EXT1: variants seen among roughly 807,000 people sequenced by gnomAD.
The protein encoded by EXT1 is exostosin-1.
EXT1 carries 20 observed loss-of-function variants against 82.5 expected under a neutral mutation model. That is an observed-to-expected ratio of 0.24 (90% CI 0.17 to 0.35). The LOEUF is 0.35. Among genes scored for constraint, EXT1 ranks in the 10% least tolerant of loss-of-function variants. EXT1 has a pLI of 1.00. For missense variants in EXT1, 757 were observed against 936.5 expected (o/e 0.81, Z 2.50); for synonymous variants, 348 against 350.8 (o/e 0.99, Z 0.09).
rs752824303 is a variant in EXT1, at chr8:118,048,504, T to C, written c.962+61581A>G. Among the ~76,000 whole-genome samples, 303 of 152,322 alleles carry C rather than the reference T, an allele frequency of 2.0e-3. 3 individuals carry two copies. The highest frequency in any genetic ancestry group is 3.2e-3 in the Non-Finnish European group (215 of 68,030). On this transcript the variant is annotated intron_variant, in intron 1 of 10. Transcript: ENST00000378204. ...CCTCCCTTTCCAAAAAAGCTAAGTTTATTTTACCCTTTCAAATCAATTTTT... is the reference window on the plus strand; with the variant it reads ...CCTCCCTTTCCAAAAAAGCTAAGTTCATTTTACCCTTTCAAATCAATTTTT...
chr8:117,822,313 T>G (rs17430112), intron 5 of EXT1, 152 bp downstream of exon 5: 2 of 850,826 alleles, frequency 2.4e-6, no homozygotes, highest in Non-Finnish European at 3.7e-6. Context: ...GTTTTTGAAC[T>G]TGATATGTCA....
intron 1 of EXT1, among the ~76,000 whole-genome samples, chr8:117,984,446 A>G (rs17476191): frequency 0.031 from 3,884 of 123,554 alleles, 177 homozygotes; most frequent in African/African-American, 0.11. Context: ...AAACAAAACA[A>G]AACAAAAAAA....
Position 117,897,705 on chromosome 8 carries a change from C to A in EXT1, c.963-60504G>T, listed in dbSNP as rs192190550. Among the ~76,000 whole-genome samples the A allele has an allele frequency of 1.8e-3, 266 of 149,800 alleles. 1 individual carries two copies. Among genetic ancestry groups the A allele is most frequent in the African/African-American group, 6.1e-3 (251 of 40,928 alleles). On this transcript the variant is annotated intron_variant, in intron 1 of 10. Transcript: ENST00000378204. Reference sequence around the variant, plus strand: ...TGCCTCCTGGGTTCAAGCAATTCTCCCGCCTCAGCCTTCCGAGTAGCTGGG... The same window carrying A: ...TGCCTCCTGGGTTCAAGCAATTCTCACGCCTCAGCCTTCCGAGTAGCTGGG...
chr8:118,077,365 T>C (rs1817230834), intron 1 of EXT1, among the ~76,000 whole-genome samples: 1 of 152,210 alleles, frequency 6.6e-6, no homozygotes, highest in Admixed American at 6.5e-5. Context: ...ACTCAATGTA[T>C]ATGGGAACCA....
intron 1 of EXT1, among the ~76,000 whole-genome samples, chr8:118,005,802 T>C (rs1198026810): frequency 6.6e-6 from 1 of 152,120 alleles, no homozygotes; most frequent in Non-Finnish European, 1.5e-5. Flanking sequence ...TCCAGGAAAA[T>C]AACACACCCT....
intron 1 of EXT1, among the ~76,000 whole-genome samples, chr8:118,009,957 G>T (rs1157871360): frequency 1.3e-5 from 2 of 152,114 alleles, no homozygotes; most frequent in Non-Finnish European, 2.9e-5. Flanking sequence ...GAGGGAATTG[G>T]GTTCTAAGAA....
chr8:118,110,008 C>A (rs956552557), intron 1 of EXT1, 77 bp downstream of exon 1: 5 of 1,599,390 alleles, frequency 3.1e-6, no homozygotes, highest in Admixed American at 1.7e-5. Flanking sequence ...CTCACCCCAT[C>A]CCCCAACTTC....
intron 7 of EXT1, 31 bp downstream of exon 7, chr8:117,818,404 G>A: frequency 6.3e-7 from 1 of 1,591,828 alleles, no homozygotes; most frequent in Non-Finnish European, 8.6e-7. Context: ...CTCCACAGTG[G>A]TTCCACATAT....
chr8:117,884,536 G>T (rs1458682482), intron 1 of EXT1, among the ~76,000 whole-genome samples: 1 of 152,090 alleles, frequency 6.6e-6, no homozygotes, highest in Non-Finnish European at 1.5e-5. Context: ...CAGTAAACAC[G>T]CACAGCAAAT....
At chr8:117,894,984 G>C (rs1393080612) in intron 1 of EXT1, among the ~76,000 whole-genome samples, 1 of 152,186 alleles carries the variant, frequency 6.6e-6, no homozygotes, top group Non-Finnish European at 1.5e-5. Flanking sequence ...AGGCTGATTA[G>C]ATTAAGCATC....
At chr8:118,003,212 C>T (rs917041145) in intron 1 of EXT1, among the ~76,000 whole-genome samples, 5 of 151,946 alleles carry the variant, frequency 3.3e-5, no homozygotes, top group East Asian at 1.9e-4. Flanking sequence ...GAGGTTGCAA[C>T]GGCATAAGAA....
chr8:118,047,306 C>T (rs1411208632), intron 1 of EXT1, among the ~76,000 whole-genome samples: 1 of 152,128 alleles, frequency 6.6e-6, no homozygotes, highest in Non-Finnish European at 1.5e-5. Context: ...TTCTTCAGCC[C>T]AGAACAATCC....
intron 8 of EXT1, among the ~76,000 whole-genome samples, chr8:117,812,078 CAGGGAG>C (rs36226133): frequency 0.39 from 58,478 of 151,672 alleles, 11,594 homozygotes; most frequent in Admixed American, 0.52. Flanking sequence ...GGAAAAAAGA[CAGGGAG>C]AGGGAGGGGA....
intron 1 of EXT1, among the ~76,000 whole-genome samples, chr8:118,050,560 T>C (rs1816701183): frequency 1.3e-5 from 2 of 152,342 alleles, no homozygotes; most frequent in South Asian, 2.1e-4. Flanking sequence ...TTACAAGCCA[T>C]ATGGTCTCTC....
chr8:117,965,127 GT>G (rs144024940), intron 1 of EXT1, among the ~76,000 whole-genome samples: 14,143 of 152,040 alleles, frequency 0.093, 890 homozygotes, highest in Middle Eastern at 0.23. Context: ...GTAGTGTCTT[GT>G]TTTTTTGTTT....
chr8:117,876,529 T>C (rs527499738), intron 1 of EXT1, among the ~76,000 whole-genome samples: 2 of 152,342 alleles, frequency 1.3e-5, no homozygotes, highest in South Asian at 4.1e-4. Flanking sequence ...CCATTCCTTG[T>C]TGATAAAATA....
At chr8:118,025,824 G>A (rs929479845) in intron 1 of EXT1, among the ~76,000 whole-genome samples, 2 of 152,030 alleles carry the variant, frequency 1.3e-5, no homozygotes, top group Non-Finnish European at 1.5e-5. Flanking sequence ...TCAGCTGATA[G>A]TGAGAATTCA....
intron 1 of EXT1, among the ~76,000 whole-genome samples, chr8:118,095,528 T>C (rs11562755): frequency 0.041 from 6,182 of 152,306 alleles, 413 homozygotes; most frequent in African/African-American, 0.14. Flanking sequence ...GCTTTTTCAA[T>C]GCAGGTGTGA....
chr8:117,797,620 A>C lies in EXT1; in HGVS notation c.*2092T>G, dbSNP rs1823104812. The stretch of plus-strand genomic sequence containing the variant: ...ATCCTGAAAAAAATAATTTAAATAC[A>C]AATTCACAAAGGCCAAATGAATAAA... On this transcript the variant is annotated 3_prime_UTR_variant, in exon 11 of 11. Transcript: ENST00000378204. 1 of 152,260 alleles carries C rather than the reference A, an allele frequency of 6.6e-6. No homozygotes were observed. 9.4% of individuals were successfully genotyped at this position (152,260 alleles called of 1,614,324 possible).
Sources: gnomAD v4.1 joint callset for allele counts (sites outside exome capture counted in the v4.1 genomes callset) on GRCh38, gnomAD v4.1.1 for gene constraint, MANE v1.5 for transcripts, NCBI Gene and HGNC (gene_info 2026-07-23, HGNC 2026-07-21) for gene names.